The following LIMA1 variants were observed in gnomAD, a reference collection of about 807,000 sequenced individuals.
The protein encoded by LIMA1 is LIM domain and actin binding 1, also known as LIM domain and actin-binding protein 1.
In LIMA1, 52 loss-of-function variants were observed where a neutral mutation model predicts 62.6. That is an observed-to-expected ratio of 0.83 (90% CI 0.67 to 1.05). The LOEUF (loss-of-function observed/expected upper bound fraction) is 1.05. Among genes scored for constraint, LIMA1 ranks in the 50% least tolerant of loss-of-function variants. The pLI is 0.00. For synonymous variants in LIMA1, 302 were observed against 317.8 expected, an observed-to-expected ratio of 0.95 and a Z score of 0.53; for missense variants, 780 against 902.2, an observed-to-expected ratio of 0.86 and a Z score of 1.74.
chr12:50,279,929 C>T (rs1159065498), intron 1 of LIMA1, among the ~76,000 whole-genome samples: 1 of 151,918 alleles, frequency 6.6e-6, no homozygotes, highest in Non-Finnish European at 1.5e-5. Context: ...CTAAGTAAAG[C>T]GGATATTGGG....
In LIMA1 at chr12:50,260,614, T is replaced by C. The variant is rs1314507166; in HGVS notation, c.-23-11840A>G. ...AAAGAATTGGTATATGAATTTTTGC[T>C]TCTATCAAATAAAATAACACATAAC... On this transcript the variant is annotated intron_variant, in intron 1 of 10. Transcript: ENST00000341247. Among the ~76,000 whole-genome samples, 4 of 152,300 alleles carry C rather than the reference T, an allele frequency of 2.6e-5. No individual in the cohort carries two copies. The East Asian group carries it at 7.7e-4, about 29-fold the overall frequency.
chr12:50,213,390 G>A (rs949617903), intron 4 of LIMA1, among the ~76,000 whole-genome samples: 21 of 152,256 alleles, frequency 1.4e-4, no homozygotes, highest in African/African-American at 4.8e-4. Flanking sequence ...TATGGTAGAA[G>A]GGGTACTACC....
intron 2 of LIMA1, among the ~76,000 whole-genome samples, chr12:50,247,442 T>C (rs1592552878): frequency 6.6e-6 from 1 of 151,826 alleles, no homozygotes; most frequent in Non-Finnish European, 1.5e-5. Context: ...GTTCCTACCA[T>C]GGCCCCAGCT....
chr12:50,279,818 T>A (rs551116666), intron 1 of LIMA1, among the ~76,000 whole-genome samples: 1 of 152,234 alleles, frequency 6.6e-6, no homozygotes, highest in South Asian at 2.1e-4. Context: ...GCTGAGCAAA[T>A]GTTACCTGTT....
Position 50,178,043 on chromosome 12 carries a change from C to G in LIMA1, c.1301G>C (p.Gly434Ala). ...LSLGTYASLH[G>A]RIYCKPHFNQ... is the part of the protein sequence containing the mutation. ...GAAGTGAGGCTTACAATAGATTCTT[C>G]CATGTAAAGATGCATATGTTCCTAG... Residue 434 changes from glycine to alanine, a missense_variant, in exon 11 of 11, where the codon GGA becomes GCA. Transcript: ENST00000341247. 1 of 1,541,586 alleles carries G rather than the reference C, an allele frequency of 6.5e-7. No homozygotes were observed. The highest frequency in any genetic ancestry group is 8.7e-7 in the Non-Finnish European group (1 of 1,149,280).
In LIMA1 at chr12:50,176,546, TA is replaced by T. The variant is rs1565822944; in HGVS notation, c.*517del. The T allele has an allele frequency of 6.6e-6, 1 of 152,664 alleles. No homozygotes were observed. 9.5% of individuals were successfully genotyped at this position (152,664 alleles called of 1,614,324 possible). ...ATATATCACAGCAAGAAAATTAACCTAAAAAATTTAAAGACTAAATAATCTC... is the reference window on the plus strand; with the variant it reads ...ATATATCACAGCAAGAAAATTAACCTAAAAATTTAAAGACTAAATAATCTC... On this transcript the variant is annotated 3_prime_UTR_variant, in exon 11 of 11. Transcript: ENST00000341247.
At chr12:50,218,487 A>AT (rs1941386789) in intron 4 of LIMA1, 1 of 152,290 alleles carries the variant, frequency 6.6e-6, no homozygotes, top group African/African-American at 2.4e-5. Flanking sequence ...CCTCAAGGCT[A>AT]TGGGCTCCAC....
intron 6 of LIMA1, among the ~76,000 whole-genome samples, chr12:50,202,932 ATATGTGTGTGTACATTTGTATC>A (rs965999203): frequency 6.6e-5 from 10 of 152,060 alleles, no homozygotes; most frequent in African/African-American, 1.2e-4. Flanking sequence ...GGATACAAAA[ATATGTGTGTGTACATTTGTATC>A]TATGTGTGTG....
intron 9 of LIMA1, among the ~76,000 whole-genome samples, chr12:50,190,835 C>T (rs1940749853): frequency 6.7e-6 from 1 of 150,152 alleles, no homozygotes; most frequent in African/African-American, 2.4e-5. Flanking sequence ...ACAACAGGGC[C>T]AGGTGTGTTT....
intron 4 of LIMA1, chr12:50,217,743 C>A: frequency 6.1e-6 from 2 of 327,280 alleles, no homozygotes; most frequent in South Asian, 2.9e-5. Flanking sequence ...GCTTCATGAC[C>A]TTGATTCCTG....
chr12:50,178,491 G>A (rs1465139180), intron 10 of LIMA1, among the ~76,000 whole-genome samples: 1 of 150,286 alleles, frequency 6.7e-6, no homozygotes, highest in Non-Finnish European at 1.5e-5. Flanking sequence ...AGGTTGCAGT[G>A]AGCTGAGATT....
At chr12:50,205,288 G>C (rs2138487316) in intron 5 of LIMA1, among the ~76,000 whole-genome samples, 1 of 150,802 alleles carries the variant, frequency 6.6e-6, no homozygotes, top group Admixed American at 6.6e-5. Context: ...GCCCAGGCTG[G>C]TCTCAAACTC....
chr12:50,233,475 G>C (rs1189281303), intron 2 of LIMA1, among the ~76,000 whole-genome samples: 1 of 152,170 alleles, frequency 6.6e-6, no homozygotes, highest in Non-Finnish European at 1.5e-5. Flanking sequence ...TTTAGTGTAA[G>C]TTATTGATAT....
At chr12:50,277,363 C>A (rs1360031787) in intron 1 of LIMA1, among the ~76,000 whole-genome samples, 2 of 152,106 alleles carry the variant, frequency 1.3e-5, no homozygotes, top group African/African-American at 4.8e-5. Context: ...ACTGCCTTTA[C>A]TGCATCCAGT....
intron 10 of LIMA1, among the ~76,000 whole-genome samples, chr12:50,180,438 G>A (rs1229165958): frequency 1.3e-5 from 2 of 152,134 alleles, no homozygotes; most frequent in Non-Finnish European, 2.9e-5. Flanking sequence ...TCACACCACT[G>A]CACTCCAGCC....
At chr12:50,240,819 G>T (rs1319463430) in intron 2 of LIMA1, among the ~76,000 whole-genome samples, 3 of 152,174 alleles carry the variant, frequency 2.0e-5, no homozygotes, top group African/African-American at 7.2e-5. Flanking sequence ...ACATCTGCAA[G>T]CAGTGTGTAG....
At position 50,177,291 on chromosome 12, in the gene LIMA1, C is replaced by G; in HGVS notation, c.2053G>C (p.Asp685His). ...AAGCTGTTATCATCTTCATCGGAGTCTGCACCATTTTCTACAAGATTCTCA... is the reference window on the plus strand; with the variant it reads ...AAGCTGTTATCATCTTCATCGGAGTGTGCACCATTTTCTACAAGATTCTCA... ...ENENLVENGADSDEDDNSFLK... is the reference protein window; with the variant it reads ...ENENLVENGAHSDEDDNSFLK... Residue 685 changes from aspartate to histidine, a missense_variant, in exon 11 of 11, where the codon GAC becomes CAC. By Grantham distance (81) the Asp-to-His change is moderately conservative. Coordinates refer to ENST00000341247, the MANE Select transcript of LIMA1 (RefSeq NM_016357.5). 6.2e-7 allele frequency: 1 copy of G among 1,614,154 alleles called. No homozygotes were observed. The highest frequency in any genetic ancestry group is 8.5e-7 in the Non-Finnish European group (1 of 1,180,000).
chr12:50,181,709 A>G (rs1481551946), intron 10 of LIMA1, among the ~76,000 whole-genome samples, 195 bp downstream of exon 10: 2 of 152,210 alleles, frequency 1.3e-5, no homozygotes, highest in Non-Finnish European at 2.9e-5. Context: ...TTAACATATC[A>G]ATACACCAAG....
At chr12:50,236,326 C>G (rs772073468) in intron 2 of LIMA1, among the ~76,000 whole-genome samples, 8 of 136,738 alleles carry the variant, frequency 5.9e-5, no homozygotes, top group Non-Finnish European at 9.2e-5. Context: ...GACATGGAGT[C>G]TCACTCTGTC....
Sources: gnomAD v4.1 joint callset for allele counts (sites outside exome capture counted in the v4.1 genomes callset) on GRCh38, gnomAD v4.1.1 for gene constraint, MANE v1.5 for transcripts, NCBI Gene and HGNC (gene_info 2026-07-23, HGNC 2026-07-21) for gene names.